Variants in DRAP1 observed in about 807,000 individuals in gnomAD.
The protein encoded by DRAP1 is dr1-associated corepressor.
Under a neutral mutation model 24.1 loss-of-function variants are expected in DRAP1, and 10 were observed. The observed-to-expected ratio is 0.41, with a 90% CI of 0.26 to 0.70. DRAP1 has a LOEUF of 0.70. DRAP1 is among the 30% of genes least tolerant of loss of function. The pLI is 0.29. For synonymous variants in DRAP1, 122 were observed against 113.8 expected, an observed-to-expected ratio of 1.07 and a Z score of -0.46; for missense variants, 264 against 275.6, an observed-to-expected ratio of 0.96 and a Z score of 0.30.
At chr11:65,919,628 G>A in intron 1 of DRAP1, 85 bp downstream of exon 1, 4 of 1,538,460 alleles carry the variant, frequency 2.6e-6, no homozygotes, top group Non-Finnish European at 2.6e-6. Flanking sequence ...CGGGCGCGCC[G>A]CGGTGTTCGG....
rs201804630 is a variant in DRAP1 at position 65,919,765 on chromosome 11, C to T, written c.43-15C>T. ...CGGTGGCGACGGGGTCTGAACTCTG[C>T]TCCCCCACCCGCAGGCGCGGATCAA... On this transcript the variant is annotated splice_polypyrimidine_tract_variant and intron_variant, in intron 1 of 6. Transcript: ENST00000312515. 1 of 1,612,898 alleles carries T rather than the reference C, an allele frequency of 6.2e-7. No individual in the cohort carries two copies. Among genetic ancestry groups the T allele is most frequent in the African/African-American group, 1.3e-5 (1 of 75,074 alleles).
chr11:65,919,600 C>G, intron 1 of DRAP1, 57 bp downstream of exon 1: 2 of 1,546,602 alleles, frequency 1.3e-6, no homozygotes, highest in Middle Eastern at 1.8e-4. Flanking sequence ...GGCTTGGGCC[C>G]AGTTCCCGCT....
chr11:65,919,641 G>A (rs1034682123), intron 1 of DRAP1, 98 bp downstream of exon 1: 6 of 1,529,326 alleles, frequency 3.9e-6, no homozygotes, highest in Admixed American at 2.0e-5. Flanking sequence ...GTGTTCGGGG[G>A]CCTGGACGCC....
At position 65,920,094 on chromosome 11, in the gene DRAP1, A is replaced by C. The variant is rs559763264; in HGVS notation, c.209+53A>C. On this transcript the variant is annotated intron_variant, in intron 3 of 6. Coordinates refer to ENST00000312515, the MANE Select transcript of DRAP1 (RefSeq NM_006442.4). Reference sequence around the variant, plus strand: ...GGCGGGTTTGGCGCGGGGAGTTCACACACTGAGGAAGGCAGAGCCTGGGTG... The same window carrying C: ...GGCGGGTTTGGCGCGGGGAGTTCACCCACTGAGGAAGGCAGAGCCTGGGTG... 18 of 1,587,100 alleles carry C rather than the reference A, an allele frequency of 1.1e-5. No homozygotes were observed. In the African/African-American group the frequency reaches 2.3e-4, roughly 20 times the overall value.
At position 65,921,372 on chromosome 11, in the gene DRAP1, G is replaced by T. The variant is rs1469950476; in HGVS notation, c.555G>T (p.Leu185Phe). The T allele has an allele frequency of 4.3e-6, 7 of 1,610,938 alleles. No homozygotes were observed. Among genetic ancestry groups the T allele is most frequent in the African/African-American group, 4.0e-5 (3 of 74,776 alleles). Reference protein sequence around the residue: ...PFLPFASTLPLPPAPPGPSAP... With the variant: ...PFLPFASTLPFPPAPPGPSAP... Reference sequence around the variant, plus strand: ...TGCCCTTCGCCTCTACTCTGCCTTTGCCCCCAGCGCCCCCGGGCCCCTCAG... The same window carrying T: ...TGCCCTTCGCCTCTACTCTGCCTTTTCCCCCAGCGCCCCCGGGCCCCTCAG... Residue 185 changes from leucine (L) to phenylalanine (F), a missense_variant, in exon 7 of 7, where the codon TTG becomes TTT. This residue lies in a region of DRAP1 where 243 missense variants were observed against 233.6 expected (regional missense o/e 1.04). Transcript: ENST00000312515.
chr11:65,920,281 C>T, intron 3 of DRAP1, 62 bp from the exon 4 acceptor site: 1 of 1,606,568 alleles, frequency 6.2e-7, no homozygotes, highest in Non-Finnish European at 8.5e-7. Flanking sequence ...CTTGCTGCCA[C>T]CCACTGCGGG....
Position 65,920,935 on chromosome 11 carries a change from C to T in DRAP1, c.475C>T (p.Pro159Ser). Residue 159 changes from proline (P) to serine (S), a missense_variant, in exon 6 of 7, where the codon CCA becomes TCA. By Grantham distance (74) the Pro-to-Ser change is moderately conservative (BLOSUM62 -1). This residue lies in a region of DRAP1 where 243 missense variants were observed against 233.6 expected (regional missense o/e 1.04). Transcript: ENST00000312515. ...TGGGGAAGAGGAGACATCACAACCC[C>T]CACCCCAGGCCAGCCACCCCTCTGC... is the stretch of plus-strand genomic sequence containing the variant. ...TDGEEETSQP[P>S]PQASHPSAHF... The T allele has an allele frequency of 6.2e-7, 1 of 1,613,200 alleles. No homozygotes were observed. The highest frequency in any genetic ancestry group is 1.7e-5 in the Admixed American group (1 of 59,824).
chr11:65,921,055 C>G, intron 6 of DRAP1, 83 bp downstream of exon 6: 2 of 1,097,182 alleles, frequency 1.8e-6, no homozygotes, highest in Admixed American at 2.8e-5. Flanking sequence ...GCCCCTTGGT[C>G]TTGTTGATTG....
In DRAP1 at chr11:65,920,675, C is replaced by T. The variant is rs1349970113; in HGVS notation, c.423+13C>T. 27 of 1,475,920 alleles carry T rather than the reference C, an allele frequency of 1.8e-5. No homozygotes were observed. In the South Asian group the frequency reaches 2.8e-4, roughly 15 times the overall value. The allele number at this position is 1,475,920 out of a possible 1,614,324, so 91.4% of individuals were successfully genotyped here. On this transcript the variant is annotated intron_variant, in intron 5 of 6. Transcript: ENST00000312515. ...CTCGGAGCAGGAGGTGAGTGAGGCC[C>T]CAGCCCTTCGCCCTGCCCTTGGTGA... is the stretch of plus-strand genomic sequence containing the variant.
Position 65,920,356 on chromosome 11 carries a change from G to C in DRAP1, c.223G>C (p.Glu75Gln). ...CACCTCTTCCAGGAAGCAGTGCATC[G>C]AGCTGGAGCAGCAGTTTGACTTCTT... is the stretch of plus-strand genomic sequence containing the variant. ...MTTSHLKQCIELEQQFDFLKD... is the reference protein window; with the variant it reads ...MTTSHLKQCIQLEQQFDFLKD... Residue 75 changes from glutamate to glutamine, a missense_variant, in exon 4 of 7, where the codon GAG becomes CAG. Coordinates refer to ENST00000312515, the MANE Select transcript of DRAP1 (RefSeq NM_006442.4). 1 of 1,614,056 alleles carries C rather than the reference G, an allele frequency of 6.2e-7. No homozygotes were observed. The highest frequency in any genetic ancestry group is 8.5e-7 in the Non-Finnish European group (1 of 1,180,028).
Position 65,920,026 on chromosome 11 carries a change from T to G in DRAP1, c.194T>G (p.Met65Arg). Reference sequence around the variant, plus strand: ...ACCCAGTCGCGGAACGCGAAGACCATGACCACATCCCACCTGTGAGCGGCG... The same window carrying G: ...ACCCAGTCGCGGAACGCGAAGACCAGGACCACATCCCACCTGTGAGCGGCG... ...QVTQSRNAKT[M>R]TTSHLKQCIE... Residue 65 changes from methionine to arginine, a missense_variant, in exon 3 of 7, where the codon ATG (methionine) becomes AGG (arginine). Transcript: ENST00000312515. The G allele has an allele frequency of 6.2e-7, 1 of 1,610,790 alleles. No individual in the cohort carries two copies. The highest frequency in any genetic ancestry group is 8.5e-7 in the Non-Finnish European group (1 of 1,178,440).
At chr11:65,920,747 C>G (rs1854540140) in intron 5 of DRAP1, 85 bp downstream of exon 5, 4 of 1,431,496 alleles carry the variant, frequency 2.8e-6, no homozygotes, top group South Asian at 1.4e-5. Context: ...GAGGCCAGCT[C>G]TCATCCTTTT....
chr11:65,919,453 A>C lies in DRAP1; in HGVS notation c.-49A>C. ...GCGGCGAGCAGGCCCGGGAGCCGGG[A>C]GGCTGCGGGCGGCGGCGCTGGACCC... On this transcript the variant is annotated 5_prime_UTR_variant, in exon 1 of 7. Transcript: ENST00000312515. The C allele has an allele frequency of 6.6e-7, 1 of 1,513,270 alleles. No homozygotes were observed. Among genetic ancestry groups the C allele is most frequent in the Non-Finnish European group, 8.8e-7 (1 of 1,132,058 alleles). The allele number at this position is 1,513,270 out of a possible 1,614,324, so 93.7% of individuals were successfully genotyped here.
At position 65,920,433 on chromosome 11, in the gene DRAP1, C is replaced by T. The variant is rs1854533476; in HGVS notation, c.300C>T (p.Asn100=). ...VPDMQGDGED[N]HMDGDKGARR... The stretch of plus-strand genomic sequence containing the variant: ...ACATGCAGGGGGACGGGGAAGACAA[C>T]CACATGGATGGGGACAAGGGCGCCC... Residue 100 remains asparagine (N), a synonymous_variant, in exon 4 of 7, where the codon AAC becomes AAT. Coordinates refer to ENST00000312515, the MANE Select transcript of DRAP1 (RefSeq NM_006442.4). 6.2e-7 allele frequency: 1 copy of T among 1,614,018 alleles called. No homozygotes were observed. The highest frequency in any genetic ancestry group is 1.3e-5 in the African/African-American group (1 of 74,938).
chr11:65,920,290 G>A (rs969931200), intron 3 of DRAP1, 53 bp from the exon 4 acceptor site: 7 of 1,610,380 alleles, frequency 4.3e-6, no homozygotes, highest in Non-Finnish European at 5.1e-6. Flanking sequence ...ACCCACTGCG[G>A]GTTTGGGTGT....
At chr11:65,920,708 G>T in intron 5 of DRAP1, 46 bp downstream of exon 5, 1 of 1,461,394 alleles carries the variant, frequency 6.8e-7, no homozygotes, top group Non-Finnish European at 9.1e-7. Flanking sequence ...TGATGGGACA[G>T]GCAGCCTCGC....
In DRAP1 at chr11:65,920,008, C is replaced by T; in HGVS notation, c.176C>T (p.Ser59Leu). The T allele has an allele frequency of 6.2e-7, 1 of 1,613,718 alleles. No individual in the cohort carries two copies. Among genetic ancestry groups the T allele is most frequent in the Non-Finnish European group, 8.5e-7 (1 of 1,179,954 alleles). ...AAGAAGGCCTGCCAGGTGACCCAGT[C>T]GCGGAACGCGAAGACCATGACCACA... is the stretch of plus-strand genomic sequence containing the variant. The part of the protein sequence containing the change: ...LLKKACQVTQ[S>L]RNAKTMTTSH... Residue 59 changes from serine (S) to leucine (L), a missense_variant, in exon 3 of 7, where the codon TCG becomes TTG. Physicochemically the swap from Ser to Leu is moderately radical, Grantham distance 145. Coordinates refer to ENST00000312515, the MANE Select transcript of DRAP1 (RefSeq NM_006442.4).
Position 65,919,869 on chromosome 11 carries a change from G to T in DRAP1, c.115+17G>T, listed in dbSNP as rs777508255. 3 of 1,613,150 alleles carry T rather than the reference G, an allele frequency of 1.9e-6. No individual in the cohort carries two copies. The African/African-American group carries it at 4.0e-5, about 22-fold the overall frequency. ...TCATCATCTGTATCCTGCCGGGGGC[G>T]GACCGGGTCGAGGGGCGTGGGGGAG... On this transcript the variant is annotated intron_variant, in intron 2 of 6. Transcript: ENST00000312515.
At chr11:65,921,067 G>A (rs1854544896) in intron 6 of DRAP1, 95 bp downstream of exon 6, 1 of 985,614 alleles carries the variant, frequency 1.0e-6, no homozygotes, top group East Asian at 2.7e-5. Flanking sequence ...TGTTGATTGT[G>A]GCAGATTTGT....
Sources: gnomAD v4.1 joint callset for allele counts on GRCh38, gnomAD v4.1.1 for gene constraint, gnomAD v4.1.1 regional missense constraint, MANE v1.5 for transcripts, NCBI Gene and HGNC (gene_info 2026-07-23, HGNC 2026-07-21) for gene names.